The following IL3RA variants were observed in gnomAD, a reference collection of about 807,000 sequenced individuals.
IL3RA encodes interleukin-3 receptor subunit alpha.
Under a neutral mutation model 52.3 loss-of-function variants are expected in IL3RA, and 73 were observed. The observed-to-expected ratio is 1.40, with a 90% CI of 1.16 to 1.70. IL3RA has a LOEUF of 1.70. Among genes scored for constraint, IL3RA ranks in the 40% most tolerant of loss-of-function variants. The probability of loss-of-function intolerance (pLI) is 0.00; values close to 1 mark genes in which losing one functional copy is unlikely to be tolerated. For missense variants in IL3RA, 664 were observed against 504.4 expected (o/e 1.32, Z -3.03); for synonymous variants, 260 against 194.0 (o/e 1.34, Z -2.83).
intron 6 of IL3RA, among the ~76,000 whole-genome samples, chrX:1,354,448 G>A (rs2086461846): frequency 6.6e-6 from 1 of 150,430 alleles, no homozygotes; most frequent in Non-Finnish European, 1.5e-5. Flanking sequence ...AAGAGGAGGA[G>A]AAGGACAAGG....
intron 9 of IL3RA, 126 bp from the exon 10 acceptor site, chrX:1,378,533 C>T (rs1430404816): frequency 4.0e-6 from 3 of 749,978 alleles, no homozygotes; most frequent in Admixed American, 2.3e-5. Flanking sequence ...ACTGGGGTGT[C>T]CCCCCCTGGA....
At chrX:1,365,093 G>T in intron 8 of IL3RA, 45 bp from the exon 9 acceptor site, 1 of 1,440,696 alleles carries the variant, frequency 6.9e-7, no homozygotes, top group Non-Finnish European at 9.7e-7. Context: ...AGAGTCATGA[G>T]CCACCATACC....
At chrX:1,340,613 CAT>C (rs1387051641) in intron 1 of IL3RA, among the ~76,000 whole-genome samples, 142 of 152,316 alleles carry the variant, frequency 9.3e-4, no homozygotes, top group Non-Finnish European at 1.6e-3. Context: ...TATTTATGCA[CAT>C]GTGTGTACAC....
intron 7 of IL3RA, among the ~76,000 whole-genome samples, chrX:1,358,386 G>A (rs1394313975): frequency 7.2e-5 from 11 of 152,046 alleles, no homozygotes; most frequent in East Asian, 3.9e-4. Flanking sequence ...TGGGCCAGGC[G>A]CGATGGGGCA....
rs1451899302 is a variant in IL3RA, at chrX:1,382,501, T to C, written c.*36T>C. ...CAGGGCTTGTGGGGGTCTGCCTCAA[T>C]CTCCCTGGCCGGGCCAGGCGCCTGC... On this transcript the variant is annotated 3_prime_UTR_variant, in exon 12 of 12. Transcript: ENST00000331035. 1.3e-6 allele frequency: 2 copies of C among 1,599,386 alleles called. No individual in the cohort carries two copies. Among genetic ancestry groups the C allele is most frequent in the Non-Finnish European group, 8.6e-7 (1 of 1,167,096 alleles).
intron 10 of IL3RA, among the ~76,000 whole-genome samples, chrX:1,380,173 C>T (rs2089075188): frequency 1.3e-5 from 2 of 150,938 alleles, no homozygotes; most frequent in South Asian, 2.1e-4. Flanking sequence ...GGATGACAGG[C>T]GTGTGCCACC....
intron 6 of IL3RA, among the ~76,000 whole-genome samples, chrX:1,352,734 A>G (rs1360689565): frequency 2.1e-5 from 3 of 145,686 alleles, no homozygotes; most frequent in African/African-American, 8.4e-5. Flanking sequence ...CGTGGTGTAG[A>G]GAGAGAGAGA....
intron 2 of IL3RA, 90 bp downstream of exon 2, chrX:1,341,919 C>A: frequency 7.3e-7 from 1 of 1,367,866 alleles, no homozygotes; most frequent in Non-Finnish European, 1.0e-6. Flanking sequence ...TTCAGGGAAA[C>A]TTTTCATGCT....
chrX:1,347,921 C>G (rs2085830305), intron 3 of IL3RA, among the ~76,000 whole-genome samples: 1 of 150,786 alleles, frequency 6.6e-6, no homozygotes, highest in African/African-American at 2.5e-5. Flanking sequence ...CCTGTAGTCC[C>G]AGCTACTTGG....
chrX:1,345,202 A>G, intron 2 of IL3RA, 114 bp from the exon 3 acceptor site: 2 of 611,982 alleles, frequency 3.3e-6, no homozygotes, highest in Non-Finnish European at 2.9e-6. Flanking sequence ...AAAGAACTCC[A>G]CCTCCCAAAG....
intron 8 of IL3RA, among the ~76,000 whole-genome samples, chrX:1,360,929 GTC>G (rs1408815308): frequency 3.3e-5 from 1 of 30,398 alleles, no homozygotes; most frequent in African/African-American, 2.3e-4. Context: ...TCCCCTCTCT[GTC>G]TCTCTCTCCC....
intron 6 of IL3RA, among the ~76,000 whole-genome samples, chrX:1,355,227 T>G (rs1435337984): frequency 0.052 from 37 of 718 alleles, no homozygotes; most frequent in Admixed American, 0.11. Context: ...GGGAGGAGGG[T>G]GGAGGGGGAG....
At chrX:1,353,292 A>AT (rs2086250779) in intron 6 of IL3RA, among the ~76,000 whole-genome samples, 1 of 140,136 alleles carries the variant, frequency 7.1e-6, no homozygotes, top group Admixed American at 7.1e-5. Context: ...GGGTCATGGG[A>AT]CCCCCTATCA....
chrX:1,351,011 A>C (rs2086060281), intron 4 of IL3RA, among the ~76,000 whole-genome samples: 1 of 152,140 alleles, frequency 6.6e-6, no homozygotes, highest in Admixed American at 6.6e-5. Context: ...ATTCGCGACC[A>C]GTCTGGGCAA....
intron 9 of IL3RA, among the ~76,000 whole-genome samples, chrX:1,377,958 G>T (rs1569528230): frequency 6.6e-6 from 1 of 151,048 alleles, no homozygotes; most frequent in Non-Finnish European, 1.5e-5. Flanking sequence ...GGCCGAGGCG[G>T]GTGGATCACT....
chrX:1,348,458 G>C lies in IL3RA; in HGVS notation c.211G>C (p.Gly71Arg). Residue 71 changes from glycine to arginine, a missense_variant, in exon 4 of 12, where the codon GGA becomes CGA. By Grantham distance (125) the Gly-to-Arg change is moderately radical. Transcript: ENST00000331035. ...PAVNNSYCQFGAISLCEVTNY... is the reference protein window; with the variant it reads ...PAVNNSYCQFRAISLCEVTNY... Reference sequence around the variant, plus strand: ...AGTGAACAATAGCTATTGCCAGTTTGGAGCAATTTCCTTATGTGAAGTGAC... The same window carrying C: ...AGTGAACAATAGCTATTGCCAGTTTCGAGCAATTTCCTTATGTGAAGTGAC... 10 of 1,613,802 alleles carry C rather than the reference G, an allele frequency of 6.2e-6. No homozygotes were observed. The highest frequency in any genetic ancestry group is 8.5e-6 in the Non-Finnish European group (10 of 1,179,770).
intron 8 of IL3RA, 98 bp from the exon 9 acceptor site, chrX:1,365,040 C>G (rs2087809383): frequency 1.3e-6 from 1 of 775,858 alleles, no homozygotes. Flanking sequence ...AACTCCTGAC[C>G]TCAGGTGATC....
At chrX:1,378,839 G>A in intron 10 of IL3RA, 75 bp downstream of exon 10, 6 of 1,309,380 alleles carry the variant, frequency 4.6e-6, no homozygotes, top group Non-Finnish European at 6.6e-6. Flanking sequence ...GAACCATCCT[G>A]AGAATTATCA....
chrX:1,345,107 G>A (rs1346293989), intron 2 of IL3RA, among the ~76,000 whole-genome samples: 1 of 151,424 alleles, frequency 6.6e-6, no homozygotes, highest in Non-Finnish European at 1.5e-5. Context: ...GGCGGAGCTT[G>A]CAGTGAGCTG....
Sources: gnomAD v4.1 joint callset for allele counts (sites outside exome capture counted in the v4.1 genomes callset) on GRCh38, gnomAD v4.1.1 for gene constraint, MANE v1.5 for transcripts, NCBI Gene and HGNC (gene_info 2026-07-23, HGNC 2026-07-21) for gene names.